RBM28: variants seen among roughly 807,000 people sequenced by gnomAD.
RBM28 encodes the protein RNA binding motif protein 28, also known as RNA-binding protein 28.
RBM28 carries 78 observed loss-of-function variants against 98.3 expected under a neutral mutation model. The observed-to-expected ratio is 0.79, with a 90% CI of 0.66 to 0.96. The LOEUF is 0.96. Ranked by LOEUF, RBM28 falls within the 40% of genes least tolerant of loss-of-function variation. RBM28 has a pLI of 0.00. For missense variants in RBM28, 838 were observed against 913.0 expected (o/e 0.92, Z 1.06); for synonymous variants, 306 against 330.9 (o/e 0.92, Z 0.82).
At chr7:128,333,457 C>T in intron 8 of RBM28, 95 bp from the exon 9 acceptor site, 1 of 1,070,392 alleles carries the variant, frequency 9.3e-7, no homozygotes, top group Non-Finnish European at 1.4e-6. Flanking sequence ...AAGCCTGGCG[C>T]AGTGGCTCAT....
At chr7:128,328,050 C>T (rs143639788) in intron 10 of RBM28, among the ~76,000 whole-genome samples, 174 of 152,256 alleles carry the variant, frequency 1.1e-3, no homozygotes, top group Middle Eastern at 6.8e-3. Flanking sequence ...GCTTCTGTGT[C>T]CCCTCCTGCC....
At position 128,335,793 on chromosome 7, in the gene RBM28, C is replaced by T. The variant is rs75772697; in HGVS notation, c.809+54G>A. 577 of 1,613,790 alleles carry T rather than the reference C, an allele frequency of 3.6e-4. 1 individual carries two copies. In the East Asian group the frequency reaches 0.011, roughly 31 times the overall value. On this transcript the variant is annotated intron_variant, in intron 7 of 18. Coordinates refer to ENST00000223073, the MANE Select transcript of RBM28 (RefSeq NM_018077.3). ...GCAGAAAAAGGAGAATTTTTCCTCT[C>T]GGAGACAATCTTGAATCTTCCTCTG...
chr7:128,319,487 T>C (rs1202894012), intron 14 of RBM28, among the ~76,000 whole-genome samples: 1 of 152,222 alleles, frequency 6.6e-6, no homozygotes, highest in African/African-American at 2.4e-5. Flanking sequence ...GTGTCAGATA[T>C]GTGCTGATAT....
intron 16 of RBM28, among the ~76,000 whole-genome samples, chr7:128,315,410 A>C (rs1796086637): frequency 6.6e-6 from 1 of 152,242 alleles, no homozygotes; most frequent in African/African-American, 2.4e-5. Flanking sequence ...ACAGTCACTA[A>C]ACCACAGATC....
At chr7:128,333,459 G>C in intron 8 of RBM28, 97 bp from the exon 9 acceptor site, 1 of 1,039,512 alleles carries the variant, frequency 9.6e-7, no homozygotes, top group Non-Finnish European at 1.5e-6. Flanking sequence ...GCCTGGCGCA[G>C]TGGCTCATGC....
intron 10 of RBM28, among the ~76,000 whole-genome samples, chr7:128,327,188 T>C (rs1017766684): frequency 6.6e-6 from 1 of 152,078 alleles, no homozygotes; most frequent in Non-Finnish European, 1.5e-5. Flanking sequence ...GTAGAGAAAT[T>C]CCAGCCTAAC....
At chr7:128,320,498 G>C (rs938265305) in intron 14 of RBM28, among the ~76,000 whole-genome samples, 1 of 152,054 alleles carries the variant, frequency 6.6e-6, no homozygotes, top group Non-Finnish European at 1.5e-5. Context: ...TACTCACACA[G>C]AGTCTAACCA....
intron 13 of RBM28, 30 bp from the exon 14 acceptor site, chr7:128,321,454 A>C (rs1444544734): frequency 3.1e-6 from 5 of 1,613,400 alleles, no homozygotes; most frequent in Non-Finnish European, 3.4e-6. Context: ...TTAACAGTAC[A>C]ACCCACTCTT....
Position 128,307,537 on chromosome 7 carries a change from G to A in RBM28, c.*3260C>T, listed in dbSNP as rs1210254825. On this transcript the variant is annotated 3_prime_UTR_variant, in exon 19 of 19. Coordinates refer to ENST00000223073, the MANE Select transcript of RBM28 (RefSeq NM_018077.3). ...ATGCCCTAACTTTATAATAGAGGAA[G>A]GCACAGATCTCATTTTTGTGACAGG... The A allele has an allele frequency of 6.6e-6, 1 of 152,084 alleles. No homozygotes were observed. The highest frequency in any genetic ancestry group is 2.1e-4 in the South Asian group (1 of 4,832). The allele number at this position is 152,084 out of a possible 1,614,324, so 9.4% of individuals were successfully genotyped here.
chr7:128,327,900 A>T (rs1048345985), intron 10 of RBM28, among the ~76,000 whole-genome samples: 7 of 152,216 alleles, frequency 4.6e-5, no homozygotes, highest in Non-Finnish European at 4.4e-5. Context: ...ATTCCTTTAA[A>T]TTTTAAATAT....
rs1351999634 is a variant in RBM28, at chr7:128,338,464, T to C, written c.449-122A>G. On this transcript the variant is annotated intron_variant, in intron 4 of 18. Transcript: ENST00000223073. ...CAAATTCTGCCAGCAGGTCAGGCCCTTCCCCAAAGCAATTGCTTACATCTT... is the reference window on the plus strand; with the variant it reads ...CAAATTCTGCCAGCAGGTCAGGCCCCTCCCCAAAGCAATTGCTTACATCTT... The C allele has an allele frequency of 3.6e-6, 3 of 843,486 alleles. No individual in the cohort carries two copies. In the East Asian group the frequency reaches 7.7e-5, roughly 22 times the overall value. 52.3% of individuals were successfully genotyped at this position (843,486 alleles called of 1,614,324 possible).
chr7:128,338,051 G>C (rs978015125), intron 5 of RBM28, among the ~76,000 whole-genome samples, 199 bp downstream of exon 5: 1 of 152,114 alleles, frequency 6.6e-6, no homozygotes, highest in Non-Finnish European at 1.5e-5. Context: ...CCAGATAAAA[G>C]AAAGAATACT....
At chr7:128,310,981 A>G (rs756735419) in intron 18 of RBM28, 50 bp from the exon 19 acceptor site, 3 of 1,577,476 alleles carry the variant, frequency 1.9e-6, no homozygotes, top group East Asian at 2.2e-5. Context: ...CAAAGACTAT[A>G]TATCACCTTA....
rs765048865 is a variant in RBM28, at chr7:128,314,755, G to A, written c.2045+9C>T. On this transcript the variant is annotated intron_variant, in intron 17 of 18. Coordinates refer to ENST00000223073, the MANE Select transcript of RBM28 (RefSeq NM_018077.3). ...CACTGTTCTGTGCTTCTGCCCTCCT[G>A]CATCTCACCTGATTTTGGGGCCTCG... The A allele has an allele frequency of 2.0e-5, 32 of 1,614,184 alleles. No individual in the cohort carries two copies. Among genetic ancestry groups the A allele is most frequent in the South Asian group, 1.1e-4 (10 of 91,088 alleles).
rs992670348 is a variant in RBM28, at chr7:128,299,307, G to A, written c.*11490C>T. 2 of 152,190 alleles carry A rather than the reference G, an allele frequency of 1.3e-5. No individual in the cohort carries two copies. The highest frequency in any genetic ancestry group is 2.9e-5 in the Non-Finnish European group (2 of 68,046). The allele number at this position is 152,190 out of a possible 1,614,324, so 9.4% of individuals were successfully genotyped here. Reference sequence around the variant, plus strand: ...TAACTTTGGCAGGCCCTGGCTATAGGGATTGTCCCTAGTTGTCCCATGCCT... The same window carrying A: ...TAACTTTGGCAGGCCCTGGCTATAGAGATTGTCCCTAGTTGTCCCATGCCT... On this transcript the variant is annotated 3_prime_UTR_variant, in exon 19 of 19. Coordinates refer to ENST00000223073, the MANE Select transcript of RBM28 (RefSeq NM_018077.3).
Position 128,314,998 on chromosome 7 carries a change from G to T in RBM28, c.1811C>A (p.Ala604Glu), listed in dbSNP as rs761620678. The change falls in exon 17 of 19, where the codon GCA (alanine) becomes GAA (glutamate). Residue 604 changes from alanine (A) to glutamate (E), a missense_variant. Physicochemically the swap from Ala to Glu is moderately radical, Grantham distance 107. Coordinates refer to ENST00000223073, the MANE Select transcript of RBM28 (RefSeq NM_018077.3). ...RSLQKMRSKP[A>E]TGEPQKGQPE... ...TTGCCCCTTCTGAGGCTCACCAGTT[G>T]CAGGCTTGGATCTCATTTTTTGCTG... 1.9e-5 allele frequency: 31 copies of T among 1,614,084 alleles called. No homozygotes were observed. Among genetic ancestry groups the T allele is most frequent in the Admixed American group, 3.3e-5 (2 of 59,994 alleles).
chr7:128,313,584 A>T (rs28501587), intron 17 of RBM28, among the ~76,000 whole-genome samples: 2,252 of 152,260 alleles, frequency 0.015, 54 homozygotes, highest in African/African-American at 0.051. Context: ...CGCTATGATC[A>T]TGCCACTGCA....
Position 128,339,767 on chromosome 7 carries a change from C to T in RBM28, c.143G>A (p.Gly48Asp). ...TTCCAGCATTGAAAAAGTGACATAGCCAAAGCCTCGACATGCCTTACTCCC... is the reference window on the plus strand; with the variant it reads ...TTCCAGCATTGAAAAAGTGACATAGTCAAAGCCTCGACATGCCTTACTCCC... ...EKGSKACRGF[G>D]YVTFSMLEDV... is the part of the protein sequence containing the mutation. The change falls in exon 2 of 19, where the codon GGC (glycine) becomes GAC (aspartate). Residue 48 changes from glycine to aspartate, a missense_variant. Transcript: ENST00000223073. 1 of 1,614,088 alleles carries T rather than the reference C, an allele frequency of 6.2e-7. No individual in the cohort carries two copies. Among genetic ancestry groups the T allele is most frequent in the Non-Finnish European group, 8.5e-7 (1 of 1,179,984 alleles).
chr7:128,318,053 G>A lies in RBM28; in HGVS notation c.1617C>T (p.Ser539=). ...KGVHGNMKGQ[S]LGYAFAEFQE... ...GGAACTCCGCAAAGGCGTAGCCCAG[G>A]GACTGACCCTTCATGTTCCCATGAA... Residue 539 remains serine, a synonymous_variant, in exon 15 of 19, where the codon TCC becomes TCT. Coordinates refer to ENST00000223073, the MANE Select transcript of RBM28 (RefSeq NM_018077.3). 1 of 1,613,936 alleles carries A rather than the reference G, an allele frequency of 6.2e-7. No individual in the cohort carries two copies. The highest frequency in any genetic ancestry group is 8.5e-7 in the Non-Finnish European group (1 of 1,179,814).
Sources: allele counts gnomAD v4.1 joint callset (sites outside exome capture counted in the v4.1 genomes callset), GRCh38; gene constraint gnomAD v4.1.1; transcripts MANE v1.5; gene names NCBI Gene and HGNC (gene_info 2026-07-23, HGNC 2026-07-21).